The following ZZZ3 variants were observed in gnomAD, a reference collection of about 807,000 sequenced individuals.
The protein encoded by ZZZ3 is zinc finger ZZ-type containing 3, also known as ZZ-type zinc finger-containing protein 3.
ZZZ3 carries 22 observed loss-of-function variants against 95.2 expected under a neutral mutation model. That is an observed-to-expected ratio of 0.23 (90% CI 0.17 to 0.33). The LOEUF (loss-of-function observed/expected upper bound fraction) is 0.33, where lower values mean the gene tolerates loss of function less well. Among genes scored for constraint, ZZZ3 ranks in the 10% least tolerant of loss-of-function variants. The pLI is 1.00. For missense variants in ZZZ3, 885 were observed against 1,066.5 expected, an observed-to-expected ratio of 0.83 and a Z score of 2.37; for synonymous variants, 335 against 358.9, an observed-to-expected ratio of 0.93 and a Z score of 0.75.
At chr1:77,623,351 G>C (rs894140936) in intron 5 of ZZZ3, among the ~76,000 whole-genome samples, 9 of 152,092 alleles carry the variant, frequency 5.9e-5, no homozygotes, top group African/African-American at 1.9e-4. Flanking sequence ...CTTGAGTCTG[G>C]CTGAATATAA....
intron 1 of ZZZ3, among the ~76,000 whole-genome samples, chr1:77,671,574 G>C (rs548441013): frequency 5.3e-5 from 8 of 152,250 alleles, no homozygotes; most frequent in Middle Eastern, 3.4e-3. Flanking sequence ...CACCGAGCAA[G>C]ATATGAAACC....
intron 1 of ZZZ3, among the ~76,000 whole-genome samples, chr1:77,654,299 T>G (rs1670078142): frequency 2.0e-5 from 3 of 151,988 alleles, no homozygotes; most frequent in Non-Finnish European, 4.4e-5. Context: ...GATATACATT[T>G]AAGGAAAAAA....
intron 1 of ZZZ3, among the ~76,000 whole-genome samples, chr1:77,682,236 A>G (rs552877241): frequency 1.3e-5 from 2 of 152,348 alleles, no homozygotes; most frequent in East Asian, 3.9e-4. Flanking sequence ...AAAACGCGAC[A>G]CAATAGTTAA....
chr1:77,575,900 T>C (rs1455367524), intron 12 of ZZZ3, among the ~76,000 whole-genome samples, 168 bp downstream of exon 12: 1 of 152,242 alleles, frequency 6.6e-6, no homozygotes, highest in Non-Finnish European at 1.5e-5. Flanking sequence ...TACTATTCTA[T>C]TTTTGTATAT....
rs572236648 is a variant in ZZZ3, at chr1:77,581,613, G to A, written c.1908+163C>T. 1.9e-4 allele frequency among the ~76,000 whole-genome samples: 29 copies of A among 152,326 alleles called. 1 individual carries two copies. The highest frequency in any genetic ancestry group is 1.5e-3 in the Admixed American group (23 of 15,294). ...AATGATGTCTGAAGGTTCACGGCTA[G>A]TAAGTTAGGACTCCAACCTAAGTTT... On this transcript the variant is annotated intron_variant, in intron 8 of 14. Transcript: ENST00000370801.
chr1:77,663,009 G>T (rs144755111), intron 1 of ZZZ3, among the ~76,000 whole-genome samples: 1 of 151,994 alleles, frequency 6.6e-6, no homozygotes, highest in East Asian at 1.9e-4. Flanking sequence ...GGAGGCTGAC[G>T]TGAAAAGATT....
intron 1 of ZZZ3, among the ~76,000 whole-genome samples, chr1:77,673,394 C>T (rs1478477406): frequency 2.0e-5 from 3 of 151,918 alleles, no homozygotes; most frequent in African/African-American, 7.3e-5. Context: ...GTCAGGGGTT[C>T]GAAACCAGCC....
intron 1 of ZZZ3, among the ~76,000 whole-genome samples, chr1:77,681,308 GA>G (rs565149100): frequency 1.3e-5 from 2 of 148,212 alleles, no homozygotes; most frequent in South Asian, 4.3e-4. Context: ...TTATGTATAG[GA>G]AAAAAAAACA....
chr1:77,618,233 CTTTTTTTTTTTTTTTTT>C (rs10597366), intron 5 of ZZZ3, among the ~76,000 whole-genome samples: 2 of 81,038 alleles, frequency 2.5e-5, no homozygotes, highest in African/African-American at 5.0e-5. Flanking sequence ...CCAATGCAGC[CTTTTTTTTTTTTTTTTT>C]TTTTTTTTTT....
chr1:77,624,404 T>C (rs1395393358), intron 5 of ZZZ3, among the ~76,000 whole-genome samples: 1 of 152,168 alleles, frequency 6.6e-6, no homozygotes, highest in Non-Finnish European at 1.5e-5. Flanking sequence ...CCAACCCTTG[T>C]GTGCTCTGGG....
chr1:77,634,931 G>A (rs1668159874), intron 4 of ZZZ3, among the ~76,000 whole-genome samples: 1 of 152,126 alleles, frequency 6.6e-6, no homozygotes, highest in Non-Finnish European at 1.5e-5. Flanking sequence ...ATTAGTTAGA[G>A]AAAGAGGCCA....
chr1:77,580,917 G>C, intron 9 of ZZZ3, 81 bp downstream of exon 9: 1 of 1,199,820 alleles, frequency 8.3e-7, no homozygotes. Flanking sequence ...TGAGCCACTG[G>C]ACCTGGCCTC....
chr1:77,591,012 T>C (rs1053084644), intron 5 of ZZZ3, among the ~76,000 whole-genome samples: 11 of 152,238 alleles, frequency 7.2e-5, no homozygotes, highest in African/African-American at 2.4e-4. Context: ...CTAAGTTTTA[T>C]ACTTTTCCTA....
chr1:77,584,986 T>G (rs569933035), intron 5 of ZZZ3: 2 of 160,326 alleles, frequency 1.2e-5, no homozygotes, highest in East Asian at 3.5e-4. Context: ...ATAATTAAAA[T>G]GATAAAATCT....
At chr1:77,601,767 G>A (rs1664755939) in intron 5 of ZZZ3, among the ~76,000 whole-genome samples, 1 of 152,038 alleles carries the variant, frequency 6.6e-6, no homozygotes, top group Admixed American at 6.6e-5. Flanking sequence ...CAACCTCTAG[G>A]AGTCCTATAA....
intron 6 of ZZZ3, among the ~76,000 whole-genome samples, chr1:77,582,912 CTGGCCAACA>C (rs944762324): frequency 1.3e-5 from 2 of 151,980 alleles, no homozygotes; most frequent in African/African-American, 4.8e-5. Flanking sequence ...TCAGACCAAC[CTGGCCAACA>C]TGGTGAAACC....
chr1:77,666,330 G>C (rs1671247230), intron 1 of ZZZ3, among the ~76,000 whole-genome samples: 2 of 152,238 alleles, frequency 1.3e-5, no homozygotes, highest in South Asian at 4.1e-4. Context: ...GGAGTTTTAA[G>C]ACTAGCCTGT....
At chr1:77,674,860 G>A (rs568544746) in intron 1 of ZZZ3, among the ~76,000 whole-genome samples, 1 of 150,910 alleles carries the variant, frequency 6.6e-6, no homozygotes, top group South Asian at 2.1e-4. Context: ...GCTAAGTCAG[G>A]AGAATTGCTT....
At chr1:77,651,599 T>A (rs1669811348) in intron 1 of ZZZ3, among the ~76,000 whole-genome samples, 1 of 152,150 alleles carries the variant, frequency 6.6e-6, no homozygotes, top group African/African-American at 2.4e-5. Flanking sequence ...AAATGTCACG[T>A]CATTGCTTAA....
Sources: allele counts gnomAD v4.1 joint callset (sites outside exome capture counted in the v4.1 genomes callset), GRCh38; gene constraint gnomAD v4.1.1; transcripts MANE v1.5; gene names NCBI Gene and HGNC (gene_info 2026-07-23, HGNC 2026-07-21).